Variants in IGSF21 observed in about 807,000 individuals in gnomAD.
IGSF21 encodes immunoglobin superfamily member 21, also known as immunoglobulin superfamily member 21.
Under a neutral mutation model 46.8 loss-of-function variants are expected in IGSF21, and 28 were observed. That is an observed-to-expected ratio of 0.60 (90% CI 0.44 to 0.82). The LOEUF is 0.82. Among genes scored for constraint, IGSF21 ranks in the 40% least tolerant of loss-of-function variants. The pLI is 0.00. For synonymous variants in IGSF21, 284 were observed against 273.6 expected (o/e 1.04, Z -0.38); for missense variants, 624 against 665.5 (o/e 0.94, Z 0.69).
At chr1:18,174,361 A>C (rs1205247202) in intron 1 of IGSF21, among the ~76,000 whole-genome samples, 4 of 152,186 alleles carry the variant, frequency 2.6e-5, no homozygotes, top group Non-Finnish European at 5.9e-5. Context: ...TCTTTTATCT[A>C]GTCTCAAGCT....
chr1:18,188,821 G>A (rs2086928390), intron 1 of IGSF21, among the ~76,000 whole-genome samples: 1 of 152,226 alleles, frequency 6.6e-6, no homozygotes, highest in African/African-American at 2.4e-5. Flanking sequence ...AGACGTGTCA[G>A]AGCTGGATTT....
At chr1:18,284,437 T>C (rs1003387123) in intron 2 of IGSF21, among the ~76,000 whole-genome samples, 1 of 152,192 alleles carries the variant, frequency 6.6e-6, no homozygotes, top group African/African-American at 2.4e-5. Flanking sequence ...AGTTTCTAGA[T>C]TTGCTCATCA....
intron 4 of IGSF21, among the ~76,000 whole-genome samples, chr1:18,355,365 A>G (rs575705308): frequency 6.6e-6 from 1 of 152,356 alleles, no homozygotes. Context: ...CAAGATAAAG[A>G]CAGGCAATAT....
intron 2 of IGSF21, among the ~76,000 whole-genome samples, chr1:18,264,828 T>A (rs1375674664): frequency 6.6e-6 from 1 of 152,172 alleles, no homozygotes. Flanking sequence ...ATGGCTCCCG[T>A]TACCTTGACA....
chr1:18,327,941 A>G (rs904910481), intron 3 of IGSF21, among the ~76,000 whole-genome samples: 4 of 152,254 alleles, frequency 2.6e-5, no homozygotes, highest in Non-Finnish European at 5.9e-5. Context: ...GGAGACATTT[A>G]GCATCAGGAT....
At chr1:18,206,938 A>G (rs2084334560) in intron 1 of IGSF21, among the ~76,000 whole-genome samples, 1 of 152,190 alleles carries the variant, frequency 6.6e-6, no homozygotes, top group South Asian at 2.1e-4. Context: ...ATTTTCTCAC[A>G]GTTCTGTAGC....
At chr1:18,359,389 A>AAGAAAGAAAGAAT (rs1557659666) in intron 4 of IGSF21, among the ~76,000 whole-genome samples, 5 of 85,646 alleles carry the variant, frequency 5.8e-5, no homozygotes, top group African/African-American at 2.2e-4. Context: ...AAAGAAAGGA[A>AAGAAAGAAAGAAT]GGAAGGAAGG....
chr1:18,176,740 T>C (rs2086802788), intron 1 of IGSF21, among the ~76,000 whole-genome samples: 1 of 152,150 alleles, frequency 6.6e-6, no homozygotes, highest in Admixed American at 6.6e-5. Context: ...GAATTTAGAA[T>C]ACAGAGCAAT....
chr1:18,304,912 G>T (rs1479392705), intron 3 of IGSF21, among the ~76,000 whole-genome samples: 2 of 152,160 alleles, frequency 1.3e-5, no homozygotes, highest in Admixed American at 1.3e-4. Context: ...TTGTTGCCGT[G>T]GTATTTCTTC....
Position 18,362,239 on chromosome 1 carries a change from C to T in IGSF21, c.540+9C>T, listed in dbSNP as rs775709345. On this transcript the variant is annotated intron_variant, in intron 5 of 9. Transcript: ENST00000251296. Reference sequence around the variant, plus strand: ...GAAAACCAGCACCCATGGTGAGTACCCCTGGAGTGCCCAGCTCCTTCCTAT... The same window carrying T: ...GAAAACCAGCACCCATGGTGAGTACTCCTGGAGTGCCCAGCTCCTTCCTAT... The T allele has an allele frequency of 1.3e-6, 2 of 1,583,236 alleles. No homozygotes were observed. The highest frequency in any genetic ancestry group is 2.7e-5 in the African/African-American group (2 of 74,404).
intron 2 of IGSF21, among the ~76,000 whole-genome samples, chr1:18,247,140 C>A (rs939045629): frequency 3.3e-5 from 5 of 151,398 alleles, no homozygotes; most frequent in African/African-American, 1.2e-4. Flanking sequence ...GACTTTGAAC[C>A]CAGTGCTTCT....
intron 2 of IGSF21, among the ~76,000 whole-genome samples, chr1:18,249,613 C>T (rs1274058064): frequency 2.0e-5 from 3 of 152,154 alleles, no homozygotes; most frequent in Admixed American, 6.5e-5. Flanking sequence ...GTTTTGCCCC[C>T]GTGGTGTCTC....
Position 18,335,417 on chromosome 1 carries a change from T to C in IGSF21, c.424+407T>C, listed in dbSNP as rs577427801. Reference sequence around the variant, plus strand: ...CTGGAGATGAATTAGAAAGCGCTCATGGCTGGGATTCAGAGCTCCTGGGTT... The same window carrying C: ...CTGGAGATGAATTAGAAAGCGCTCACGGCTGGGATTCAGAGCTCCTGGGTT... On this transcript the variant is annotated intron_variant, in intron 4 of 9. Transcript: ENST00000251296. This position sits in a 1 kb window ranked among gnomAD's most constrained non-coding sequence, Gnocchi z 4.8. 2.0e-5 allele frequency among the ~76,000 whole-genome samples: 3 copies of C among 152,330 alleles called. No individual in the cohort carries two copies. The highest frequency in any genetic ancestry group is 7.2e-5 in the African/African-American group (3 of 41,576).
intron 2 of IGSF21, among the ~76,000 whole-genome samples, chr1:18,249,955 C>T (rs2124525757): frequency 6.6e-6 from 1 of 152,216 alleles, no homozygotes; most frequent in Admixed American, 6.5e-5. Context: ...CAGGCTGCTC[C>T]CCTCCTTTCC....
At chr1:18,312,042 G>C (rs992453994) in intron 3 of IGSF21, among the ~76,000 whole-genome samples, 2 of 152,154 alleles carry the variant, frequency 1.3e-5, no homozygotes, top group African/African-American at 4.8e-5. Flanking sequence ...CCCATCACCA[G>C]GTTCACCTTC....
intron 1 of IGSF21, chr1:18,112,917 T>C (rs1452512489): frequency 6.6e-6 from 1 of 152,262 alleles, no homozygotes; most frequent in African/African-American, 2.4e-5. Flanking sequence ...TCCGAAAAGA[T>C]GAACGACAAT....
chr1:18,189,641 T>G (rs2086936353), intron 1 of IGSF21, among the ~76,000 whole-genome samples: 3 of 151,766 alleles, frequency 2.0e-5, no homozygotes, highest in Admixed American at 2.0e-4. Context: ...TAGATTCTCA[T>G]AAGGAGCTCA....
Position 18,223,632 on chromosome 1 carries a change from T to G in IGSF21, c.71-4266T>G, listed in dbSNP as rs141900723. 5.8e-4 allele frequency among the ~76,000 whole-genome samples: 89 copies of G among 152,338 alleles called. 2 individuals are homozygous for G. The East Asian group carries it at 0.016, about 28-fold the overall frequency. On this transcript the variant is annotated intron_variant, in intron 1 of 9. Transcript: ENST00000251296. ...GAATGCATCGCTTATTGTATTCATATTTTAATACTCTACTGATATTAATGG... is the reference window on the plus strand; with the variant it reads ...GAATGCATCGCTTATTGTATTCATAGTTTAATACTCTACTGATATTAATGG...
rs773442112 is a variant in IGSF21 at position 18,365,296 on chromosome 1, C to T, written c.614C>T (p.Pro205Leu). The change falls in exon 6 of 10, where the codon CCC becomes CTC. Residue 205 changes from proline (P) to leucine (L), a missense_variant. By Grantham distance (98) the Pro-to-Leu change is moderately conservative (BLOSUM62 -3). Coordinates refer to ENST00000251296, the MANE Select transcript of IGSF21 (RefSeq NM_032880.5). The surrounding 1 kb of genome is among the most constrained non-coding windows in gnomAD (Gnocchi z 4.8). Reference sequence around the variant, plus strand: ...GAGCCACCAGCTGCGAGCTCCGGCCCCCTACAGGACAGCAGGCCCTTCCGC... The same window carrying T: ...GAGCCACCAGCTGCGAGCTCCGGCCTCCTACAGGACAGCAGGCCCTTCCGC... ...LSEPPAASSGPLQDSRPFRSL... is the reference protein window; with the variant it reads ...LSEPPAASSGLLQDSRPFRSL... 1 of 1,614,084 alleles carries T rather than the reference C, an allele frequency of 6.2e-7. No homozygotes were observed. The highest frequency in any genetic ancestry group is 2.2e-5 in the East Asian group (1 of 44,862).
Sources: allele counts gnomAD v4.1 joint callset (sites outside exome capture counted in the v4.1 genomes callset), GRCh38; gene constraint gnomAD v4.1.1; non-coding constraint Gnocchi (gnomAD v3.1); transcripts MANE v1.5; gene names NCBI Gene and HGNC (gene_info 2026-07-23, HGNC 2026-07-21).